The following LPP variants were observed in gnomAD, a reference collection of about 807,000 sequenced individuals.
LPP encodes the protein lipoma-preferred partner.
In LPP, 38 loss-of-function variants were observed where a neutral mutation model predicts 60.4. The observed-to-expected ratio is 0.63, with a 90% confidence interval of 0.49 to 0.83. The LOEUF is 0.83. Ranked by LOEUF, LPP falls within the 40% of genes least tolerant of loss-of-function variation. The pLI is 0.00. For missense variants in LPP, 902 were observed against 783.6 expected (o/e 1.15, Z -1.80); for synonymous variants, 328 against 290.8 (o/e 1.13, Z -1.30).
Position 188,881,064 on chromosome 3 carries a change from C to A in LPP, c.*6585C>A, listed in dbSNP as rs142202426. The A allele has an allele frequency of 6.5e-6, 1 of 154,572 alleles. No individual in the cohort carries two copies. Among genetic ancestry groups the A allele is most frequent in the African/African-American group, 2.5e-5 (1 of 39,858 alleles). The allele number at this position is 154,572 out of a possible 1,614,324, so 9.6% of individuals were successfully genotyped here. A position where few individuals can be genotyped will look rare whatever the true frequency, so the allele number is the denominator to read the frequency against. On this transcript the variant is annotated 3_prime_UTR_variant, in exon 12 of 12. Coordinates refer to ENST00000617246, the MANE Select transcript of LPP (RefSeq NM_001375462.1). The stretch of plus-strand genomic sequence containing the variant: ...CTGAGGCAGGAGAATGGCGTGAACC[C>A]GGGAAGCGGAGCTTTCAGTGAGCCG...
At chr3:188,282,098 C>A (rs1019186183) in intron 2 of LPP, among the ~76,000 whole-genome samples, 3 of 151,814 alleles carry the variant, frequency 2.0e-5, no homozygotes, top group Non-Finnish European at 2.9e-5. Context: ...TCTTACCGTT[C>A]GTCTCCTTTT....
rs1769245845 is a variant in LPP, at chr3:188,876,269, CT to C, written c.*1797del. ...AATAGGAATGATCATAAAAGTGATT[CT>C]TTTTTTGTGACTAGAAATTCTTAAG... On this transcript the variant is annotated 3_prime_UTR_variant, in exon 12 of 12. Transcript: ENST00000617246. 5.3e-6 allele frequency: 1 copy of C among 188,362 alleles called. No homozygotes were observed. The highest frequency in any genetic ancestry group is 1.1e-5 in the Non-Finnish European group (1 of 89,324). The allele number at this position is 188,362 out of a possible 1,614,324, so 11.7% of individuals were successfully genotyped here.
intron 7 of LPP, among the ~76,000 whole-genome samples, chr3:188,686,464 A>G (rs1860751403): frequency 6.6e-6 from 1 of 152,212 alleles, no homozygotes; most frequent in African/African-American, 2.4e-5. Context: ...TGGATAGACC[A>G]TACCCCAGTG....
intron 9 of LPP, among the ~76,000 whole-genome samples, chr3:188,771,811 C>T (rs1736139126): frequency 6.6e-6 from 1 of 152,168 alleles, no homozygotes; most frequent in African/African-American, 2.4e-5. Context: ...TGTAAGTCAG[C>T]ATTTCAGGCT....
chr3:188,219,379 T>C (rs1208859541), intron 1 of LPP, among the ~76,000 whole-genome samples: 1 of 152,154 alleles, frequency 6.6e-6, no homozygotes, highest in East Asian at 1.9e-4. Context: ...GAATTTAATA[T>C]TTAATGAGTC....
At chr3:188,708,683 C>A in intron 8 of LPP, 1 of 480,926 alleles carries the variant, frequency 2.1e-6, no homozygotes, top group South Asian at 4.0e-5. Context: ...CATGGGGAGA[C>A]CCTGTCTCCA....
chr3:188,442,104 A>G (rs1794135540), intron 4 of LPP, among the ~76,000 whole-genome samples: 1 of 152,208 alleles, frequency 6.6e-6, no homozygotes, highest in Admixed American at 6.5e-5. Context: ...GAATAAGTGA[A>G]TTCAACACAA....
chr3:188,737,625 C>T (rs755836448), intron 8 of LPP, among the ~76,000 whole-genome samples: 5 of 152,136 alleles, frequency 3.3e-5, no homozygotes, highest in African/African-American at 1.2e-4. Context: ...TCTTTTTGGT[C>T]TTAAGTAGTT....
chr3:188,655,862 A>T (rs1214003120), intron 7 of LPP, among the ~76,000 whole-genome samples: 1 of 152,026 alleles, frequency 6.6e-6, no homozygotes, highest in Non-Finnish European at 1.5e-5. Flanking sequence ...GTGCTTCCTT[A>T]TACAAGGTGC....
chr3:188,667,077 A>T (rs1855944030), intron 7 of LPP, among the ~76,000 whole-genome samples: 1 of 152,150 alleles, frequency 6.6e-6, no homozygotes, highest in Admixed American at 6.5e-5. Context: ...ATTACGTAGG[A>T]TTCATTTAAA....
intron 7 of LPP, among the ~76,000 whole-genome samples, chr3:188,616,589 GTT>G (rs71169013): frequency 1.3e-5 from 2 of 151,920 alleles, no homozygotes; most frequent in Non-Finnish European, 2.9e-5. Context: ...ATTTCTATGG[GTT>G]TTTTTTCATT....
At chr3:188,390,096 A>G (rs533867658) in intron 3 of LPP, among the ~76,000 whole-genome samples, 1 of 152,286 alleles carries the variant, frequency 6.6e-6, no homozygotes, top group South Asian at 2.1e-4. Context: ...TTACAGAGGT[A>G]GAAGCGTCAT....
chr3:188,383,632 A>G (rs984579381), intron 3 of LPP, among the ~76,000 whole-genome samples: 7 of 152,170 alleles, frequency 4.6e-5, no homozygotes, highest in Admixed American at 6.5e-5. Context: ...CAGAACCTCA[A>G]TTTCTGAACC....
At chr3:188,635,122 T>C (rs1406393298) in intron 7 of LPP, among the ~76,000 whole-genome samples, 2 of 152,190 alleles carry the variant, frequency 1.3e-5, no homozygotes, top group Non-Finnish European at 2.9e-5. Flanking sequence ...ATGGGCTCCA[T>C]GTTTAAATTA....
Position 188,491,886 on chromosome 3 carries a change from A to C in LPP, c.306+7182A>C, listed in dbSNP as rs77260237. The stretch of plus-strand genomic sequence containing the variant: ...TTTCATTTAGCATTAGGAAACTTTT[A>C]ATGGAATATCATAGTTTCTCTTCTT... On this transcript the variant is annotated intron_variant, in intron 5 of 11. Transcript: ENST00000617246. Among the ~76,000 whole-genome samples, 1,057 of 152,316 alleles carry C rather than the reference A, an allele frequency of 6.9e-3. 17 individuals carry two copies. Among genetic ancestry groups the C allele is most frequent in the African/African-American group, 0.023 (966 of 41,556 alleles).
At chr3:188,838,031 C>A (rs554832097) in intron 9 of LPP, among the ~76,000 whole-genome samples, 2 of 152,214 alleles carry the variant, frequency 1.3e-5, no homozygotes, top group East Asian at 3.9e-4. Flanking sequence ...TATTAAAAAG[C>A]CTATCTCTAG....
chr3:188,745,875 A>G (rs1450066772), intron 8 of LPP, among the ~76,000 whole-genome samples: 1 of 152,088 alleles, frequency 6.6e-6, no homozygotes, highest in Admixed American at 6.6e-5. Flanking sequence ...TCTAATTTCC[A>G]AAAGAGGGAA....
intron 7 of LPP, among the ~76,000 whole-genome samples, chr3:188,621,326 T>A (rs192301396): frequency 1.3e-4 from 20 of 152,304 alleles, no homozygotes; most frequent in Non-Finnish European, 2.2e-4. Context: ...TCTCCCTTCC[T>A]CCCCGTCTGG....
chr3:188,300,165 A>G (rs994727829), intron 2 of LPP, among the ~76,000 whole-genome samples: 1 of 152,050 alleles, frequency 6.6e-6, no homozygotes, highest in Non-Finnish European at 1.5e-5. Context: ...CATTTGGGTA[A>G]TCTGTTCTCT....
Sources: gnomAD v4.1 joint callset for allele counts (sites outside exome capture counted in the v4.1 genomes callset) on GRCh38, gnomAD v4.1.1 for gene constraint, MANE v1.5 for transcripts, NCBI Gene and HGNC (gene_info 2026-07-23, HGNC 2026-07-21) for gene names.